Variants in VWF observed in about 807,000 individuals in gnomAD.
The protein encoded by VWF is von Willebrand factor.
VWF carries 176 observed loss-of-function variants against 308.6 expected under a neutral mutation model. The observed-to-expected ratio is 0.57, with a 90% CI of 0.50 to 0.65. VWF has a LOEUF of 0.65. Among genes scored for constraint, VWF ranks in the 30% least tolerant of loss-of-function variants. The pLI, the probability that VWF is intolerant of heterozygous loss-of-function variation, is 0.00. For synonymous variants in VWF, 1,385 were observed against 1,443.4 expected, an observed-to-expected ratio of 0.96 and a Z score of 0.92; for missense variants, 3,146 against 3,648.2, an observed-to-expected ratio of 0.86 and a Z score of 3.55.
chr12:5,967,628 G>A, intron 46 of VWF, 26 bp from the exon 47 acceptor site: 1 of 1,603,662 alleles, frequency 6.2e-7, no homozygotes, highest in Non-Finnish European at 8.5e-7. Flanking sequence ...CCAGGGTCAG[G>A]CCCCCCAGCA....
chr12:5,983,376 A>G, intron 40 of VWF, 122 bp from the exon 41 acceptor site: 1 of 850,824 alleles, frequency 1.2e-6, no homozygotes, highest in Non-Finnish European at 1.9e-6. Context: ...AGTGATGATG[A>G]TGGAGACAGA....
At chr12:6,099,293 T>G (rs1279139629) in intron 5 of VWF, among the ~76,000 whole-genome samples, 1 of 124,044 alleles carries the variant, frequency 8.1e-6, no homozygotes, top group Non-Finnish European at 1.6e-5. Context: ...CACTCCAGCC[T>G]GGGGGACAGA....
intron 35 of VWF, 87 bp downstream of exon 35, chr12:5,995,915 A>G: frequency 7.8e-7 from 1 of 1,284,962 alleles, no homozygotes; most frequent in Non-Finnish European, 1.1e-6. Flanking sequence ...TAACAAGAGC[A>G]TCAACTAAAA....
At position 6,095,604 on chromosome 12, in the gene VWF, G is replaced by C; in HGVS notation, c.533-20C>G. 6.2e-7 allele frequency: 1 copy of C among 1,614,102 alleles called. No homozygotes were observed. Among genetic ancestry groups the C allele is most frequent in the Non-Finnish European group, 8.5e-7 (1 of 1,179,958 alleles). ...AGGTCCCTGTGGAGGAAAGTTTCAG[G>C]AAAGTAATGCTTCAGTTATGCCTGT... On this transcript the variant is annotated intron_variant, in intron 5 of 51. Transcript: ENST00000261405.
rs1565828860 is a variant in VWF at position 6,012,700 on chromosome 12, T to TGC, written c.5621-571_5621-570insGC. 2.5e-4 allele frequency among the ~76,000 whole-genome samples: 36 copies of TGC among 143,298 alleles called. No individual in the cohort carries two copies. In the East Asian group the frequency reaches 7.2e-3, roughly 29 times the overall value. The allele number at this position is 143,298 out of a possible 152,430, so 94.0% of individuals were successfully genotyped here. The stretch of plus-strand genomic sequence containing the variant: ...AAAAAAGCGTGTGTGTGTGTGTGTG[T>TGC]GTATTTTTTTTTTTTTTTTGAGATG... On this transcript the variant is annotated intron_variant, in intron 32 of 51. Transcript: ENST00000261405.
At chr12:5,996,694 G>A (rs993851778) in intron 34 of VWF, among the ~76,000 whole-genome samples, 11 of 146,270 alleles carry the variant, frequency 7.5e-5, no homozygotes, top group African/African-American at 2.3e-4. Flanking sequence ...AATGGTACAA[G>A]TGACCATGTT....
In VWF at chr12:6,103,362, A is replaced by G. The variant is rs546940487; in HGVS notation, c.532+7012T>C. 3.1e-5 allele frequency among the ~76,000 whole-genome samples: 4 copies of G among 129,554 alleles called. No individual in the cohort carries two copies. The East Asian group carries it at 8.4e-4, about 27-fold the overall frequency. 85.0% of individuals were successfully genotyped at this position (129,554 alleles called of 152,430 possible). ...TATATATATGTGTGTATATATACAT[A>G]TATATGTGTGTGTGTGTATACACGT... On this transcript the variant is annotated intron_variant, in intron 5 of 51. Transcript: ENST00000261405.
rs1326213549 is a variant in VWF at position 5,983,229 on chromosome 12, C to A, written c.7002G>T (p.Leu2334=). ...CACGTTCACAGTGAGGCACTGGGGG[C>A]AGGTCACAGCTCACTGGGTCACACA... is the stretch of plus-strand genomic sequence containing the variant. ...ECVCDPVSCD[L]PPVPHCERGL... The change falls in exon 41 of 52, where the codon CTG becomes CTT. Residue 2334 remains leucine (L), a synonymous_variant. Transcript: ENST00000261405. 1 of 1,613,992 alleles carries A rather than the reference C, an allele frequency of 6.2e-7. No individual in the cohort carries two copies. The highest frequency in any genetic ancestry group is 8.5e-7 in the Non-Finnish European group (1 of 1,179,966).
At chr12:6,033,751 G>A (rs1202217989) in intron 20 of VWF, among the ~76,000 whole-genome samples, 3 of 150,966 alleles carry the variant, frequency 2.0e-5, no homozygotes, top group Non-Finnish European at 4.4e-5. Context: ...TGCTCTACAC[G>A]AGTGGTCGGT....
intron 16 of VWF, among the ~76,000 whole-genome samples, chr12:6,052,338 G>C (rs1944524692): frequency 6.6e-6 from 1 of 152,218 alleles, no homozygotes; most frequent in Admixed American, 6.5e-5. Context: ...TGCCAGCCAG[G>C]AATCCCAGTT....
intron 13 of VWF, among the ~76,000 whole-genome samples, chr12:6,062,431 A>ACTGTTGATGGAGGCC (rs1555198794): frequency 2.6e-5 from 4 of 151,884 alleles, no homozygotes; most frequent in African/African-American, 9.7e-5. Flanking sequence ...TTCCAGAGAA[A>ACTGTTGATGGAGGCC]CAGTGAAAAG....
intron 38 of VWF, among the ~76,000 whole-genome samples, chr12:5,989,353 T>C (rs1943712353): frequency 6.6e-6 from 1 of 152,252 alleles, no homozygotes; most frequent in Admixed American, 6.5e-5. Flanking sequence ...GGGCTTTATT[T>C]TTCAGTTTAA....
At chr12:5,994,382 G>C (rs1418727711) in intron 36 of VWF, 33 bp downstream of exon 36, 2 of 1,611,788 alleles carry the variant, frequency 1.2e-6, no homozygotes, top group African/African-American at 2.7e-5. Flanking sequence ...ATGTATAGCA[G>C]GGGGAGAAGA....
intron 34 of VWF, among the ~76,000 whole-genome samples, chr12:6,000,065 C>T (rs1003438318): frequency 3.3e-5 from 5 of 151,920 alleles, no homozygotes; most frequent in African/African-American, 1.2e-4. Flanking sequence ...AAAATGGACT[C>T]TTAAAAGAGA....
rs1944261823 is a variant in VWF at position 6,031,487 on chromosome 12, G to A, written c.2777C>T (p.Thr926Ile). The change falls in exon 21 of 52, where the codon ACC becomes ATC. Residue 926 changes from threonine (T) to isoleucine (I), a missense_variant. Thr to Ile is a moderately conservative substitution (Grantham distance 89). Transcript: ENST00000261405. ...HPSVKCKKRV[T>I]ILVEGGEIEL... ...AATCTCTCCTCCCTCCACCAGGATG[G>A]TGACCCGTTTCTTGCATTTCACTGA... 1.2e-6 allele frequency: 2 copies of A among 1,614,144 alleles called. No homozygotes were observed. Among genetic ancestry groups the A allele is most frequent in the East Asian group, 4.5e-5 (2 of 44,880 alleles).
In VWF at chr12:6,071,157, G is replaced by T. The variant is rs1212712524; in HGVS notation, c.1156+140C>A. 7.7e-6 allele frequency: 7 copies of T among 907,014 alleles called. No homozygotes were observed. In the African/African-American group the frequency reaches 1.1e-4, roughly 15 times the overall value. The allele number at this position is 907,014 out of a possible 1,614,324, so 56.2% of individuals were successfully genotyped here. A position where few individuals can be genotyped will look rare whatever the true frequency, so the allele number is the denominator to read the frequency against. On this transcript the variant is annotated intron_variant, in intron 10 of 51. Coordinates refer to ENST00000261405, the MANE Select transcript of VWF (RefSeq NM_000552.5). The stretch of plus-strand genomic sequence containing the variant: ...GCTGGTACCTGAAACCAGAGCTGGG[G>T]TCACGTGGTTGCAGCCAACCTGTGC...
intron 6 of VWF, among the ~76,000 whole-genome samples, chr12:6,082,014 T>G (rs2136482609): frequency 6.6e-6 from 1 of 152,220 alleles, no homozygotes; most frequent in East Asian, 1.9e-4. Context: ...TCGCCCAGGC[T>G]GGAGTGCAGT....
intron 43 of VWF, among the ~76,000 whole-genome samples, chr12:5,974,757 G>T (rs184436267): frequency 6.6e-6 from 1 of 152,196 alleles, no homozygotes; most frequent in Non-Finnish European, 1.5e-5. Flanking sequence ...TGGAGCAGAC[G>T]GACAGAAATA....
chr12:6,104,757 AC>A (rs1181147815), intron 5 of VWF, among the ~76,000 whole-genome samples: 1 of 152,122 alleles, frequency 6.6e-6, no homozygotes. Context: ...CTGGATATCT[AC>A]CCAAAGGAAA....
Sources: allele counts gnomAD v4.1 joint callset (sites outside exome capture counted in the v4.1 genomes callset), GRCh38; gene constraint gnomAD v4.1.1; transcripts MANE v1.5; gene names NCBI Gene and HGNC (gene_info 2026-07-23, HGNC 2026-07-21).